The following SEMA6A variants were observed in gnomAD, a reference collection of about 807,000 sequenced individuals.
SEMA6A encodes the protein semaphorin 6A, also known as semaphorin-6A.
A neutral mutation model predicts 96.8 loss-of-function variants in SEMA6A; 25 were observed. The observed-to-expected ratio is 0.26, with a 90% confidence interval of 0.19 to 0.36. The LOEUF (loss-of-function observed/expected upper bound fraction) is 0.36. Among genes scored for constraint, SEMA6A ranks in the 10% least tolerant of loss-of-function variants. The pLI is 1.00. For synonymous variants in SEMA6A, 612 were observed against 518.0 expected, an observed-to-expected ratio of 1.18 and a Z score of -2.46; for missense variants, 1,363 against 1,323.1, an observed-to-expected ratio of 1.03 and a Z score of -0.47.
chr5:116,509,527 G>A (rs1758306702), intron 1 of SEMA6A, among the ~76,000 whole-genome samples: 1 of 152,120 alleles, frequency 6.6e-6, no homozygotes, highest in South Asian at 2.1e-4. Context: ...AAATGTAATA[G>A]TCTATAAGAT....
intron 6 of SEMA6A, among the ~76,000 whole-genome samples, chr5:116,494,674 CCTGT>C (rs1401830698): frequency 2.6e-5 from 4 of 152,208 alleles, no homozygotes; most frequent in Admixed American, 6.5e-5. Context: ...GTTGAGGCCT[CCTGT>C]CTGTCTTTAC....
At position 116,446,332 on chromosome 5, in the gene SEMA6A, A is replaced by G; in HGVS notation, c.*281T>C. 6.3e-6 allele frequency: 2 copies of G among 318,378 alleles called. No individual in the cohort carries two copies. Among genetic ancestry groups the G allele is most frequent in the South Asian group, 1.1e-4 (1 of 9,352 alleles). 19.7% of individuals were successfully genotyped at this position (318,378 alleles called of 1,614,324 possible). A position where few individuals can be genotyped will look rare whatever the true frequency, so the allele number is the denominator to read the frequency against. ...TATGTGCTTTTGGCTCATGTTTGTG[A>G]TGATAACTGAAGTCTTTTGTGGGTC... is the stretch of plus-strand genomic sequence containing the variant. On this transcript the variant is annotated 3_prime_UTR_variant, in exon 19 of 19. Coordinates refer to ENST00000343348, the MANE Select transcript of SEMA6A (RefSeq NM_020796.5).
rs1244866578 is a variant in SEMA6A, at chr5:116,444,838, A to T, written c.*1775T>A. 6.6e-6 allele frequency: 1 copy of T among 152,392 alleles called. No homozygotes were observed. The highest frequency in any genetic ancestry group is 1.9e-4 in the East Asian group (1 of 5,198). The allele number at this position is 152,392 out of a possible 1,614,324, so 9.4% of individuals were successfully genotyped here. A position where few individuals can be genotyped will look rare whatever the true frequency, so the allele number is the denominator to read the frequency against. ...CGTGTGTGCTGTGCACATGGCTTGG[A>T]GACTCCTCCCAGGTGTCTGCCCAAC... On this transcript the variant is annotated 3_prime_UTR_variant, in exon 19 of 19. Coordinates refer to ENST00000343348, the MANE Select transcript of SEMA6A (RefSeq NM_020796.5).
At chr5:116,505,071 A>T in intron 1 of SEMA6A, 89 bp from the exon 2 acceptor site, 1 of 635,136 alleles carries the variant, frequency 1.6e-6, no homozygotes, top group South Asian at 2.1e-5. Flanking sequence ...ATTCGAGAGA[A>T]AAAAAGGCTT....
intron 10 of SEMA6A, 143 bp from the exon 11 acceptor site, chr5:116,482,718 G>A: frequency 2.8e-6 from 2 of 722,596 alleles, no homozygotes; most frequent in South Asian, 2.5e-5. Context: ...AGGGATCTTA[G>A]TACACAAAGA....
chr5:116,496,076 C>T (rs1757586141), intron 5 of SEMA6A, 175 bp downstream of exon 5: 1 of 569,802 alleles, frequency 1.8e-6, no homozygotes, highest in Admixed American at 3.1e-5. Context: ...TGTTTCATCA[C>T]ATTAAAAGCA....
At position 116,515,736 on chromosome 5, in the gene SEMA6A, A is replaced by G. The variant is rs17139995; in HGVS notation, c.-38-10754T>C. Among the ~76,000 whole-genome samples the G allele has an allele frequency of 3.3e-4, 50 of 152,260 alleles. No individual in the cohort carries two copies. In the East Asian group the frequency reaches 9.3e-3, roughly 28 times the overall value. On this transcript the variant is annotated intron_variant, in intron 1 of 18. Coordinates refer to ENST00000343348, the MANE Select transcript of SEMA6A (RefSeq NM_020796.5). ...ATACAATCTCCCAGTCACAACTTGA[A>G]CCTTCCTGATCTCCACTCTGCCTGG... is the stretch of plus-strand genomic sequence containing the variant.
intron 18 of SEMA6A, among the ~76,000 whole-genome samples, chr5:116,460,796 T>C (rs1364090432): frequency 6.6e-6 from 1 of 150,490 alleles, no homozygotes; most frequent in Non-Finnish European, 1.5e-5. Flanking sequence ...TTTTTTTTTT[T>C]TTTTTTTGAG....
chr5:116,549,494 T>C (rs13357926), intron 1 of SEMA6A, among the ~76,000 whole-genome samples: 1,603 of 152,298 alleles, frequency 0.011, 26 homozygotes, highest in African/African-American at 0.037. Flanking sequence ...CCCATGGTTG[T>C]CTATCCTCTG....
At chr5:116,454,786 TTAAGTGTG>T (rs1325887690) in intron 18 of SEMA6A, among the ~76,000 whole-genome samples, 5 of 57,096 alleles carry the variant, frequency 8.8e-5, no homozygotes, top group African/African-American at 3.5e-4. Flanking sequence ...TCCTTTTCCT[TTAAGTGTG>T]TGTGTGTGTG....
chr5:116,504,155 A>G (rs1365186522), intron 2 of SEMA6A, among the ~76,000 whole-genome samples: 3 of 152,226 alleles, frequency 2.0e-5, no homozygotes, highest in African/African-American at 4.8e-5. Context: ...GATATTTAGG[A>G]AAAAAATGCT....
intron 2 of SEMA6A, among the ~76,000 whole-genome samples, chr5:116,503,372 T>G (rs1474688455): frequency 6.6e-6 from 1 of 152,164 alleles, no homozygotes; most frequent in Non-Finnish European, 1.5e-5. Flanking sequence ...TAAGACAATC[T>G]TGTGCTTTCC....
chr5:116,559,933 C>G (rs1760755481), intron 1 of SEMA6A, among the ~76,000 whole-genome samples: 1 of 152,228 alleles, frequency 6.6e-6, no homozygotes, highest in Non-Finnish European at 1.5e-5. Context: ...TGCTGAAAAG[C>G]TTCAGCCACC....
At position 116,446,256 on chromosome 5, in the gene SEMA6A, TTGTGTGCATG is replaced by T. The variant is rs1258935421; in HGVS notation, c.*347_*356del. On this transcript the variant is annotated 3_prime_UTR_variant, in exon 19 of 19. Transcript: ENST00000343348. Reference sequence around the variant, plus strand: ...ACCTCTGTGCGTGTGTGTGTATGTGTTGTGTGCATGTGTGTGTGTGTGTGTGTGTGGGGGT... The same window carrying T: ...ACCTCTGTGCGTGTGTGTGTATGTGTTGTGTGTGTGTGTGTGTGTGGGGGT... The T allele has an allele frequency of 1.3e-4, 24 of 179,736 alleles. No homozygotes were observed. In the South Asian group the frequency reaches 4.7e-3, roughly 35 times the overall value. The allele number at this position is 179,736 out of a possible 1,614,324, so 11.1% of individuals were successfully genotyped here. A position where few individuals can be genotyped will look rare whatever the true frequency, so the allele number is the denominator to read the frequency against.
At chr5:116,563,187 A>C (rs1353406048) in intron 1 of SEMA6A, among the ~76,000 whole-genome samples, 2 of 152,170 alleles carry the variant, frequency 1.3e-5, no homozygotes, top group Non-Finnish European at 2.9e-5. Context: ...GTATGCTTTT[A>C]TTTGAAAGAA....
Position 116,561,660 on chromosome 5 carries a change from C to T in SEMA6A, c.-39+12525G>A, listed in dbSNP as rs1162861920. On this transcript the variant is annotated intron_variant, in intron 1 of 18. Coordinates refer to ENST00000343348, the MANE Select transcript of SEMA6A (RefSeq NM_020796.5). ...CATTTCAAAGGCTTGTCTTGCACAC[C>T]TGGCATGTTGGAAGATCTGCTAGAG... is the stretch of plus-strand genomic sequence containing the variant. Among the ~76,000 whole-genome samples the T allele has an allele frequency of 2.6e-5, 4 of 152,322 alleles. No homozygotes were observed. The East Asian group carries it at 7.7e-4, about 29-fold the overall frequency.
chr5:116,535,585 G>T (rs763446037), intron 1 of SEMA6A, among the ~76,000 whole-genome samples: 6 of 152,128 alleles, frequency 3.9e-5, no homozygotes, highest in Non-Finnish European at 8.8e-5. Context: ...GACCCACAAA[G>T]AATCACCATT....
chr5:116,486,792 C>T lies in SEMA6A; in HGVS notation c.919G>A (p.Gly307Arg), dbSNP rs777796990. Reference protein sequence around the residue: ...QAVTDVIRINGRDVVLATFST... With the variant: ...QAVTDVIRINRRDVVLATFST... ...AACGTTGCCAGGACAACATCACGCCCGTTGATACGAATCACATCTGTAACT... is the reference window on the plus strand; with the variant it reads ...AACGTTGCCAGGACAACATCACGCCTGTTGATACGAATCACATCTGTAACT... The change falls in exon 10 of 19, where the codon GGG (glycine) becomes AGG (arginine). Residue 307 changes from glycine to arginine, a missense_variant. Physicochemically the swap from Gly to Arg is moderately radical, Grantham distance 125. Transcript: ENST00000343348. 11 of 1,613,578 alleles carry T rather than the reference C, an allele frequency of 6.8e-6. No individual in the cohort carries two copies. The highest frequency in any genetic ancestry group is 5.0e-5 in the Admixed American group (3 of 59,974).
chr5:116,515,990 G>A (rs17139999), intron 1 of SEMA6A, among the ~76,000 whole-genome samples: 10,913 of 152,104 alleles, frequency 0.072, 449 homozygotes, highest in Admixed American at 0.11. Flanking sequence ...TTTTTGGTAA[G>A]ACAGTCTCAA....
Sources: gnomAD v4.1 joint callset for allele counts (sites outside exome capture counted in the v4.1 genomes callset) on GRCh38, gnomAD v4.1.1 for gene constraint, MANE v1.5 for transcripts, NCBI Gene and HGNC (gene_info 2026-07-23, HGNC 2026-07-21) for gene names.